Variants in PHYHIPL observed in about 807,000 individuals in gnomAD.
PHYHIPL encodes the protein phytanoyl-CoA hydroxylase-interacting protein-like.
In PHYHIPL, 9 loss-of-function variants were observed where a neutral mutation model predicts 33.4. That is an observed-to-expected ratio of 0.27 (90% CI 0.16 to 0.47). The LOEUF is 0.47. Ranked by LOEUF, PHYHIPL falls within the 20% of genes least tolerant of loss-of-function variation. PHYHIPL has a pLI of 0.99. For missense variants in PHYHIPL, 365 were observed against 460.7 expected, an observed-to-expected ratio of 0.79 and a Z score of 1.90; for synonymous variants, 153 against 154.1, an observed-to-expected ratio of 0.99 and a Z score of 0.05.
In PHYHIPL at chr10:59,176,832, G is replaced by C; in HGVS notation, c.-22G>C. On this transcript the variant is annotated 5_prime_UTR_variant, in exon 1 of 5. Coordinates refer to ENST00000373880, the MANE Select transcript of PHYHIPL (RefSeq NM_032439.4). ...AGAGAGCCTGGATACGAAGCAGGCG[G>C]GCTTCAGAGTGGGTTGGAAAAATGG... 1 of 1,601,514 alleles carries C rather than the reference G, an allele frequency of 6.2e-7. No homozygotes were observed. Among genetic ancestry groups the C allele is most frequent in the South Asian group, 1.1e-5 (1 of 89,376 alleles).
Position 59,236,676 on chromosome 10 carries a change from A to G in PHYHIPL, c.478+19A>G, listed in dbSNP as rs920409677. ...ACCGCAGGTAAGAGAACTAGGTACA[A>G]ATATAGAAAAGCTTTAGTTGTTCTG... On this transcript the variant is annotated intron_variant, in intron 3 of 4. Coordinates refer to ENST00000373880, the MANE Select transcript of PHYHIPL (RefSeq NM_032439.4). The G allele has an allele frequency of 3.2e-6, 5 of 1,548,066 alleles. No homozygotes were observed. The African/African-American group carries it at 5.6e-5, about 17-fold the overall frequency.
chr10:59,219,276 T>G (rs1839698312), intron 1 of PHYHIPL: 1 of 914,546 alleles, frequency 1.1e-6, no homozygotes. Context: ...ATTGCTGTAG[T>G]GTTTCTGCAC....
rs192696708 is a variant in PHYHIPL, at chr10:59,222,935, A to G, written c.107-11369A>G. ...GGCTGCATAACCTCATTTCATACTC[A>G]TTTACCCTATGAGGAAACAGGCTTA... On this transcript the variant is annotated intron_variant, in intron 1 of 4. Coordinates refer to ENST00000373880, the MANE Select transcript of PHYHIPL (RefSeq NM_032439.4). 1.5e-4 allele frequency among the ~76,000 whole-genome samples: 23 copies of G among 152,286 alleles called. No individual in the cohort carries two copies. In the East Asian group the frequency reaches 2.7e-3, roughly 18 times the overall value.
chr10:59,229,739 G>T (rs1396346509), intron 1 of PHYHIPL, among the ~76,000 whole-genome samples: 1 of 152,182 alleles, frequency 6.6e-6, no homozygotes, highest in Non-Finnish European at 1.5e-5. Flanking sequence ...GAAACAACTG[G>T]ATTGGTTACT....
At chr10:59,219,947 T>C (rs1839718254) in intron 1 of PHYHIPL, among the ~76,000 whole-genome samples, 1 of 152,118 alleles carries the variant, frequency 6.6e-6, no homozygotes. Flanking sequence ...AGCAGACAAA[T>C]AGAATTATGC....
chr10:59,216,483 AG>A (rs769950173), intron 1 of PHYHIPL, among the ~76,000 whole-genome samples: 50 of 152,082 alleles, frequency 3.3e-4, no homozygotes, highest in Non-Finnish European at 6.9e-4. Flanking sequence ...GGAAAATTAG[AG>A]CATTTTTTCA....
intron 1 of PHYHIPL, among the ~76,000 whole-genome samples, chr10:59,190,817 GT>G (rs1367811003): frequency 6.6e-6 from 1 of 151,746 alleles, no homozygotes; most frequent in African/African-American, 2.4e-5. Context: ...ACCCAGCTAA[GT>G]TTGGTATGAA....
intron 1 of PHYHIPL, among the ~76,000 whole-genome samples, chr10:59,188,513 G>A (rs1413225965): frequency 6.6e-6 from 1 of 152,108 alleles, no homozygotes; most frequent in Admixed American, 6.5e-5. Context: ...TCAATTTCTG[G>A]ATATCCTTGT....
chr10:59,240,886 C>T (rs894473632), intron 4 of PHYHIPL, among the ~76,000 whole-genome samples: 3 of 151,960 alleles, frequency 2.0e-5, no homozygotes, highest in Admixed American at 6.6e-5. Context: ...TTCAAAAATG[C>T]TTCCAAGAAT....
intron 1 of PHYHIPL, among the ~76,000 whole-genome samples, chr10:59,210,147 A>G (rs1188148292): frequency 2.6e-5 from 4 of 152,222 alleles, no homozygotes; most frequent in South Asian, 2.1e-4. Flanking sequence ...CAGGCAACCT[A>G]CAGAATGAGA....
intron 2 of PHYHIPL, among the ~76,000 whole-genome samples, chr10:59,235,654 G>T (rs10082363): frequency 0.22 from 32,645 of 151,650 alleles, 4,760 homozygotes; most frequent in African/African-American, 0.41. Context: ...GCTGACATTT[G>T]CCTTGTTGAT....
intron 1 of PHYHIPL, among the ~76,000 whole-genome samples, chr10:59,179,842 T>TACACACACAC (rs147836305): frequency 7.1e-4 from 96 of 134,872 alleles, no homozygotes; most frequent in African/African-American, 2.3e-3. Flanking sequence ...GCAAGACAGT[T>TACACACACAC]ACACACACAC....
At chr10:59,175,882 C>G (rs117365898), upstream of PHYHIPL, among the ~76,000 whole-genome samples, 1 of 152,322 alleles carries the variant, frequency 6.6e-6, no homozygotes, top group Non-Finnish European at 1.5e-5. Context: ...ATGAATGAAG[C>G]TACGCTGCGA....
intron 1 of PHYHIPL, among the ~76,000 whole-genome samples, chr10:59,198,873 A>G (rs1839008274): frequency 6.6e-6 from 1 of 152,144 alleles, no homozygotes. Context: ...GTGTCTGTTC[A>G]TATCCTTTGC....
chr10:59,206,425 G>A (rs188767853), intron 1 of PHYHIPL, among the ~76,000 whole-genome samples: 5 of 152,266 alleles, frequency 3.3e-5, no homozygotes, highest in East Asian at 1.9e-4. Context: ...GATTGGCATC[G>A]CTGCTTCAAA....
chr10:59,182,571 G>A (rs1255375994), intron 1 of PHYHIPL, among the ~76,000 whole-genome samples: 1 of 152,112 alleles, frequency 6.6e-6, no homozygotes, highest in Non-Finnish European at 1.5e-5. Context: ...TTGAACTCCC[G>A]ACCTCGTGAT....
At chr10:59,181,771 A>G (rs532773963) in intron 1 of PHYHIPL, among the ~76,000 whole-genome samples, 12 of 152,336 alleles carry the variant, frequency 7.9e-5, no homozygotes, top group Non-Finnish European at 1.8e-4. Context: ...GTATTAAACC[A>G]ATTCATATTC....
At chr10:59,188,538 A>G (rs377342747) in intron 1 of PHYHIPL, among the ~76,000 whole-genome samples, 7,629 of 152,102 alleles carry the variant, frequency 0.05, 512 homozygotes, top group African/African-American at 0.15. Context: ...TTTCTGTCTC[A>G]TTGATCTGTC....
intron 1 of PHYHIPL, among the ~76,000 whole-genome samples, chr10:59,198,828 T>G (rs1028333305): frequency 6.6e-6 from 1 of 152,226 alleles, no homozygotes; most frequent in African/African-American, 2.4e-5. Flanking sequence ...TTTTTTCATG[T>G]GTCTGTTGGC....
Sources: gnomAD v4.1 joint callset for allele counts (sites outside exome capture counted in the v4.1 genomes callset) on GRCh38, gnomAD v4.1.1 for gene constraint, MANE v1.5 for transcripts, NCBI Gene and HGNC (gene_info 2026-07-23, HGNC 2026-07-21) for gene names.